Variants in PCDHA6 observed in about 807,000 individuals in gnomAD.
PCDHA6 encodes the protein protocadherin alpha-6.
Under a neutral mutation model 60.3 loss-of-function variants are expected in PCDHA6, and 55 were observed. The observed-to-expected ratio is 0.91, with a 90% CI of 0.73 to 1.14. The LOEUF is 1.14. Ranked by LOEUF, PCDHA6 falls within the 50% of genes most tolerant of loss-of-function variation. PCDHA6 has a pLI of 0.00. For synonymous variants in PCDHA6, 652 were observed against 557.9 expected (o/e 1.17, Z -2.38); for missense variants, 1,327 against 1,256.5 (o/e 1.06, Z -0.85).
At chr5:140,851,854 G>A (rs1187203228) in intron 1 of PCDHA6, 1 of 972,298 alleles carries the variant, frequency 1.0e-6, no homozygotes, top group East Asian at 1.1e-4. Flanking sequence ...TCTCCTCTCA[G>A]CTCATACATA....
At chr5:140,973,599 T>C (rs952944512) in intron 1 of PCDHA6, among the ~76,000 whole-genome samples, 7 of 152,258 alleles carry the variant, frequency 4.6e-5, no homozygotes, top group African/African-American at 1.4e-4. Flanking sequence ...GATGGAATTA[T>C]GGCTGAGCTC....
intron 1 of PCDHA6, among the ~76,000 whole-genome samples, chr5:140,874,947 T>C (rs2055188699): frequency 6.6e-6 from 1 of 152,240 alleles, no homozygotes; most frequent in African/African-American, 2.4e-5. Flanking sequence ...AACAGCGGAA[T>C]TGTAAGCTAT....
At chr5:140,839,146 T>A (rs2150295080) in intron 1 of PCDHA6, among the ~76,000 whole-genome samples, 1 of 129,620 alleles carries the variant, frequency 7.7e-6, no homozygotes, top group Non-Finnish European at 1.6e-5. Flanking sequence ...GCAGACCAAG[T>A]TTGCTGCTCT....
chr5:140,846,375 T>TC lies in PCDHA6; in HGVS notation c.2394+15890_2394+15891insC, dbSNP rs1272448180. Among the ~76,000 whole-genome samples, 317 of 125,476 alleles carry TC rather than the reference T, an allele frequency of 2.5e-3. 15 individuals carry two copies. The highest frequency in any genetic ancestry group is 0.01 in the African/African-American group (304 of 29,966). The allele number at this position is 125,476 out of a possible 152,430, so 82.3% of individuals were successfully genotyped here. A position where few individuals can be genotyped will look rare whatever the true frequency, so the allele number is the denominator to read the frequency against. On this transcript the variant is annotated intron_variant, in intron 1 of 3. Transcript: ENST00000529310. ...TTTTTCTTTTCTTTTCTTTCTTTCT[T>TC]TTTTTTTTTTTTTTTTTGAGACGGA...
At chr5:140,950,429 T>G (rs1339598073) in intron 1 of PCDHA6, among the ~76,000 whole-genome samples, 1 of 151,896 alleles carries the variant, frequency 6.6e-6, no homozygotes, top group Admixed American at 6.6e-5. Context: ...TTCTTCCACT[T>G]AAAAAAAATG....
chr5:140,969,167 T>G (rs1554231527), intron 1 of PCDHA6: 1 of 1,613,668 alleles, frequency 6.2e-7, no homozygotes. Flanking sequence ...GACAGCAGGC[T>G]CAGGGAGTGA....
chr5:140,983,378 G>A (rs782292944), intron 3 of PCDHA6, among the ~76,000 whole-genome samples: 1 of 152,162 alleles, frequency 6.6e-6, no homozygotes, highest in Non-Finnish European at 1.5e-5. Flanking sequence ...GAGGCCCATC[G>A]CTGTGGCAGT....
intron 1 of PCDHA6, chr5:140,876,557 A>C: frequency 6.2e-7 from 1 of 1,614,156 alleles, no homozygotes; most frequent in Admixed American, 1.7e-5. Context: ...GTGCAAGAGG[A>C]TGCTCAGGTG....
intron 1 of PCDHA6, among the ~76,000 whole-genome samples, chr5:140,903,156 T>G (rs1287323901): frequency 6.6e-6 from 1 of 152,232 alleles, no homozygotes; most frequent in Non-Finnish European, 1.5e-5. Flanking sequence ...CCATAGTGGT[T>G]GTGCTGGTTT....
chr5:140,871,106 T>C (rs1554165125), intron 1 of PCDHA6: 1 of 1,613,128 alleles, frequency 6.2e-7, no homozygotes, highest in African/African-American at 1.3e-5. Context: ...CTGGTGTCGT[T>C]GGTGGAGAGC....
chr5:140,871,487 C>A, intron 1 of PCDHA6: 1 of 1,591,808 alleles, frequency 6.3e-7, no homozygotes, highest in South Asian at 1.1e-5. Flanking sequence ...TCAAATCACC[C>A]CGGACAGGTG....
rs374159724 is a variant in PCDHA6 at position 140,856,795 on chromosome 5, G to T, written c.2394+26310G>T. The T allele has an allele frequency of 2.1e-5, 34 of 1,595,942 alleles. 4 individuals are homozygous for T. Among genetic ancestry groups the T allele is most frequent in the Non-Finnish European group, 2.7e-5 (32 of 1,165,996 alleles). ...TTGACAGACCGGTTTATGAAGTTAA[G>T]ATGTATGAAAATCAAGTGAACCAAA... On this transcript the variant is annotated intron_variant, in intron 1 of 3. Transcript: ENST00000529310.
intron 1 of PCDHA6, chr5:140,967,470 C>T (rs1554229592): frequency 1.2e-6 from 2 of 1,613,462 alleles, no homozygotes; most frequent in Non-Finnish European, 8.5e-7. Context: ...GGGGGCATCC[C>T]AGCCCGCTCG....
At chr5:140,968,722 T>C (rs1379540261) in intron 1 of PCDHA6, 2 of 1,613,846 alleles carry the variant, frequency 1.2e-6, no homozygotes, top group Admixed American at 1.7e-5. Context: ...GAGATGAGAG[T>C]GGTAGCACTT....
At chr5:141,005,332 A>G (rs1479899678) in intron 3 of PCDHA6, among the ~76,000 whole-genome samples, 2 of 152,188 alleles carry the variant, frequency 1.3e-5, no homozygotes, top group Non-Finnish European at 2.9e-5. Context: ...ATAATAGGCC[A>G]AGGGGGTGCT....
chr5:140,906,534 A>G (rs7704223), intron 1 of PCDHA6, among the ~76,000 whole-genome samples: 49,309 of 152,142 alleles, frequency 0.32, 8,308 homozygotes, highest in East Asian at 0.53. Flanking sequence ...GACAATTAAA[A>G]TCCTCATTTC....
chr5:140,923,209 G>C (rs1454479273), intron 1 of PCDHA6, among the ~76,000 whole-genome samples: 3 of 150,998 alleles, frequency 2.0e-5, no homozygotes, highest in Non-Finnish European at 4.4e-5. Flanking sequence ...GGAGGCTAAG[G>C]TGAAAGGATC....
chr5:140,973,134 C>T (rs999970948), intron 1 of PCDHA6, among the ~76,000 whole-genome samples: 6 of 152,182 alleles, frequency 3.9e-5, no homozygotes, highest in Admixed American at 6.5e-5. Flanking sequence ...AGTTTGCATT[C>T]ACTTTCACTT....
At chr5:140,836,549 G>T (rs2150263747) in intron 1 of PCDHA6, 2 of 1,613,770 alleles carry the variant, frequency 1.2e-6, no homozygotes, top group South Asian at 2.2e-5. Context: ...CGGCGTTGCG[G>T]TGCTCAGCGC....
Sources: gnomAD v4.1 joint callset for allele counts (sites outside exome capture counted in the v4.1 genomes callset) on GRCh38, gnomAD v4.1.1 for gene constraint, MANE v1.5 for transcripts, NCBI Gene and HGNC (gene_info 2026-07-23, HGNC 2026-07-21) for gene names.